OTOP3: variants seen among roughly 807,000 people sequenced by gnomAD.
OTOP3 encodes the protein proton channel OTOP3.
Under a neutral mutation model 50.8 loss-of-function variants are expected in OTOP3, and 41 were observed. The observed-to-expected ratio is 0.81, with a 90% confidence interval of 0.63 to 1.05. The LOEUF is 1.05. Ranked by LOEUF, OTOP3 falls within the 50% of genes least tolerant of loss-of-function variation. The pLI is 0.00. For missense variants in OTOP3, 788 were observed against 760.8 expected (o/e 1.04, Z -0.42); for synonymous variants, 320 against 324.4 (o/e 0.99, Z 0.14).
intron 3 of OTOP3, among the ~76,000 whole-genome samples, chr17:74,942,658 G>A (rs908177198): frequency 1.1e-4 from 17 of 151,650 alleles, no homozygotes; most frequent in South Asian, 2.1e-4. Context: ...TCGGCCAGGC[G>A]CGGTGGCTCA....
In OTOP3 at chr17:74,941,688, C is replaced by A; in HGVS notation, c.315C>A (p.Ile105=). The change falls in exon 2 of 7, where the codon ATC becomes ATA. Residue 105 remains isoleucine, a synonymous_variant. Coordinates refer to ENST00000328801, the MANE Select transcript of OTOP3 (RefSeq NM_001272005.2). ...CCGTCACTCTGGGTGACGTGTGGATCCTGCTGGCCACGCTGAAGGTCCTCT... is the reference window on the plus strand; with the variant it reads ...CCGTCACTCTGGGTGACGTGTGGATACTGCTGGCCACGCTGAAGGTCCTCT... ...KVAVTLGDVW[I]LLATLKVLSL... is the part of the protein sequence containing the mutation. 1.2e-6 allele frequency: 2 copies of A among 1,614,146 alleles called. No individual in the cohort carries two copies. The highest frequency in any genetic ancestry group is 1.7e-6 in the Non-Finnish European group (2 of 1,180,024).
Position 74,942,931 on chromosome 17 carries a change from C to A in OTOP3, c.574-355C>A, listed in dbSNP as rs549393759. On this transcript the variant is annotated intron_variant, in intron 3 of 6. Transcript: ENST00000328801. ...CTGCACTCCAGCCTGGGCGACAGAGCGAGACTCCAAAAAACAAAAAAGAAA... is the reference window on the plus strand; with the variant it reads ...CTGCACTCCAGCCTGGGCGACAGAGAGAGACTCCAAAAAACAAAAAAGAAA... 5.9e-5 allele frequency among the ~76,000 whole-genome samples: 9 copies of A among 152,154 alleles called. No individual in the cohort carries two copies. The East Asian group carries it at 1.7e-3, about 29-fold the overall frequency.
At chr17:74,940,707 C>T (rs572161953) in intron 1 of OTOP3, among the ~76,000 whole-genome samples, 97 of 152,268 alleles carry the variant, frequency 6.4e-4, no homozygotes, top group African/African-American at 2.0e-3. Context: ...AGTTTCATCC[C>T]GAAACCATCC....
chr17:74,938,554 A>C (rs1234009132), intron 1 of OTOP3, among the ~76,000 whole-genome samples: 1 of 152,160 alleles, frequency 6.6e-6, no homozygotes, highest in African/African-American at 2.4e-5. Flanking sequence ...GGGGCGTTCC[A>C]GGAAGTGCAG....
intron 1 of OTOP3, among the ~76,000 whole-genome samples, chr17:74,940,052 G>A (rs866282302): frequency 7.1e-6 from 1 of 141,374 alleles, no homozygotes; most frequent in African/African-American, 2.7e-5. Flanking sequence ...GGGACTATAG[G>A]CATTAAACCA....
chr17:74,938,571 G>GGT (rs1334855464), intron 1 of OTOP3, among the ~76,000 whole-genome samples: 1 of 152,126 alleles, frequency 6.6e-6, no homozygotes, highest in African/African-American at 2.4e-5. Flanking sequence ...GCAGCAAGAT[G>GGT]GTATAGCCCA....
In OTOP3 at chr17:74,947,391, C is replaced by G; in HGVS notation, c.1482C>G (p.Ala494=). 6.2e-7 allele frequency: 1 copy of G among 1,613,154 alleles called. No individual in the cohort carries two copies. The highest frequency in any genetic ancestry group is 1.1e-5 in the South Asian group (1 of 91,088). The change falls in exon 6 of 7, where the codon GCC becomes GCG. Residue 494 remains alanine, a synonymous_variant. Coordinates refer to ENST00000328801, the MANE Select transcript of OTOP3 (RefSeq NM_001272005.2). ...AGGGCCTGCAGCGGGCCTCACTGGCCTACATCCACTCCTACAGCCACCTCA... is the reference window on the plus strand; with the variant it reads ...AGGGCCTGCAGCGGGCCTCACTGGCGTACATCCACTCCTACAGCCACCTCA... The part of the protein sequence containing the change: ...LGQGLQRASL[A]YIHSYSHLNW...
At position 74,943,468 on chromosome 17, in the gene OTOP3, C is replaced by T. The variant is rs867927926; in HGVS notation, c.632+124C>T. 2.3e-4 allele frequency: 316 copies of T among 1,355,016 alleles called. 6 individuals carry two copies. The South Asian group carries it at 3.6e-3, about 15-fold the overall frequency. The allele number at this position is 1,355,016 out of a possible 1,614,324, so 83.9% of individuals were successfully genotyped here. On this transcript the variant is annotated intron_variant, in intron 4 of 6. Coordinates refer to ENST00000328801, the MANE Select transcript of OTOP3 (RefSeq NM_001272005.2). ...GTCCTAGGTGGCCCCAGGGCTGCCT[C>T]TTGTGTCCTAGTGCCAGTGTGACAC...
chr17:74,936,632 G>A (rs2039118155), intron 1 of OTOP3, among the ~76,000 whole-genome samples: 1 of 152,170 alleles, frequency 6.6e-6, no homozygotes, highest in Non-Finnish European at 1.5e-5. Flanking sequence ...TCACGCCAGC[G>A]GCCTTTGGAG....
At chr17:74,936,017 A>G in intron 1 of OTOP3, 77 bp downstream of exon 1, 1 of 1,515,700 alleles carries the variant, frequency 6.6e-7, no homozygotes, top group Non-Finnish European at 8.9e-7. Context: ...CCCCCCCAAA[A>G]GGGGGGTTCA....
intron 5 of OTOP3, among the ~76,000 whole-genome samples, chr17:74,945,425 T>A (rs2039216317): frequency 6.6e-6 from 1 of 152,202 alleles, no homozygotes; most frequent in Non-Finnish European, 1.5e-5. Context: ...AAACATGCAA[T>A]GCATTTGGTT....
intron 1 of OTOP3, among the ~76,000 whole-genome samples, chr17:74,938,036 C>T (rs897765424): frequency 1.3e-5 from 2 of 152,014 alleles, no homozygotes; most frequent in Non-Finnish European, 2.9e-5. Flanking sequence ...GTGTGGGAGG[C>T]AGGTGCCTTG....
rs2039173948 is a variant in OTOP3 at position 74,941,584 on chromosome 17, C to A, written c.211C>A (p.Leu71Ile). ...RDRQAQKAGQ[L>I]FSGLLALNVV... ...CCGGCAGGCCCAGAAGGCTGGACAACTCTTCTCGGGGCTCCTGGCCCTGAA... is the reference window on the plus strand; with the variant it reads ...CCGGCAGGCCCAGAAGGCTGGACAAATCTTCTCGGGGCTCCTGGCCCTGAA... Residue 71 changes from leucine (L) to isoleucine (I), a missense_variant, in exon 2 of 7, where the codon CTC becomes ATC. Transcript: ENST00000328801. 6.2e-7 allele frequency: 1 copy of A among 1,611,994 alleles called. No homozygotes were observed. Among genetic ancestry groups the A allele is most frequent in the Non-Finnish European group, 8.5e-7 (1 of 1,178,698 alleles).
chr17:74,942,943 A>T (rs538544892), intron 3 of OTOP3, among the ~76,000 whole-genome samples: 51 of 152,288 alleles, frequency 3.3e-4, no homozygotes, highest in African/African-American at 1.1e-3. Context: ...AGACTCCAAA[A>T]AACAAAAAAG....
In OTOP3 at chr17:74,946,747, A is replaced by T. The variant is rs759567994; in HGVS notation, c.838A>T (p.Thr280Ser). 6.2e-7 allele frequency: 1 copy of T among 1,613,226 alleles called. No individual in the cohort carries two copies. The highest frequency in any genetic ancestry group is 8.5e-7 in the Non-Finnish European group (1 of 1,180,008). ...CTTCCTGATGCTCTACCCCTTCAGCACTGAGTACTGCCTCATCTGCTGTGC... is the reference window on the plus strand; with the variant it reads ...CTTCCTGATGCTCTACCCCTTCAGCTCTGAGTACTGCCTCATCTGCTGTGC... ...RGFLMLYPFS[T>S]EYCLICCAVL... The change falls in exon 6 of 7, where the codon ACT (threonine) becomes TCT (serine). Residue 280 changes from threonine (T) to serine (S), a missense_variant. Transcript: ENST00000328801.
In OTOP3 at chr17:74,946,980, C is replaced by G. The variant is rs1302890880; in HGVS notation, c.1071C>G (p.Tyr357Ter). 1 of 1,613,740 alleles carries G rather than the reference C, an allele frequency of 6.2e-7. No homozygotes were observed. The highest frequency in any genetic ancestry group is 8.5e-7 in the Non-Finnish European group (1 of 1,180,046). The change falls in exon 6 of 7, where the codon TAC becomes TAG. Residue 357 changes from tyrosine to a stop codon, truncating the protein, a stop_gained. Transcript: ENST00000328801. LOFTEE classifies it high-confidence loss of function. ...TTGCTTGCCAGTACTTCACCCTCTA[C>G]TATGCCTTCTATGTGGCTGTGCTGC... ...PAIACQYFTL[Y>*]YAFYVAVLPT...
At chr17:74,942,082 T>C in intron 3 of OTOP3, 45 bp downstream of exon 3, 2 of 1,561,708 alleles carry the variant, frequency 1.3e-6, no homozygotes, top group Non-Finnish European at 8.7e-7. Context: ...ACATACCCTA[T>C]CTACCCATGC....
At chr17:74,949,195 C>T in intron 6 of OTOP3, 51 bp from the exon 7 acceptor site, 1 of 1,589,200 alleles carries the variant, frequency 6.3e-7, no homozygotes. Context: ...GAACTGAGTG[C>T]CTTGGGGCAC....
Position 74,943,298 on chromosome 17 carries a change from T to C in OTOP3, c.586T>C (p.Trp196Arg). ...CTGTCTCTTTCAGACCTGGGTGCTCTGGAAACACTGCAAAGACTGTGTTCG... is the reference window on the plus strand; with the variant it reads ...CTGTCTCTTTCAGACCTGGGTGCTCCGGAAACACTGCAAAGACTGTGTTCG... ...VFIGVQTWVLWKHCKDCVRVQ... is the reference protein window; with the variant it reads ...VFIGVQTWVLRKHCKDCVRVQ... The change falls in exon 4 of 7, where the codon TGG (tryptophan) becomes CGG (arginine). Residue 196 changes from tryptophan (W) to arginine (R), a missense_variant. Physicochemically the swap from Trp to Arg is moderately radical, Grantham distance 101. Coordinates refer to ENST00000328801, the MANE Select transcript of OTOP3 (RefSeq NM_001272005.2). The C allele has an allele frequency of 6.2e-7, 1 of 1,614,212 alleles. No individual in the cohort carries two copies. Among genetic ancestry groups the C allele is most frequent in the Non-Finnish European group, 8.5e-7 (1 of 1,180,040 alleles).
Sources: gnomAD v4.1 joint callset for allele counts (sites outside exome capture counted in the v4.1 genomes callset) on GRCh38, gnomAD v4.1.1 for gene constraint, MANE v1.5 for transcripts, NCBI Gene and HGNC (gene_info 2026-07-23, HGNC 2026-07-21) for gene names.